CTNNA2: variants seen among roughly 807,000 people sequenced by gnomAD.
CTNNA2 encodes the protein catenin alpha-2.
A neutral mutation model predicts 101.0 loss-of-function variants in CTNNA2; 42 were observed. The observed-to-expected ratio is 0.42, with a 90% CI of 0.32 to 0.54. The LOEUF (loss-of-function observed/expected upper bound fraction) is 0.54, where lower values mean the gene tolerates loss of function less well. Among genes scored for constraint, CTNNA2 ranks in the 20% least tolerant of loss-of-function variants. The pLI, the probability that CTNNA2 is intolerant of heterozygous loss-of-function variation, is 0.14. For missense variants in CTNNA2, 871 were observed against 1,223.1 expected (o/e 0.71, Z 4.29); for synonymous variants, 450 against 456.4 (o/e 0.99, Z 0.18).
chr2:79,471,999 C>G (rs1344302076), intron 4 of CTNNA2, among the ~76,000 whole-genome samples: 1 of 152,126 alleles, frequency 6.6e-6, no homozygotes, highest in African/African-American at 2.4e-5. Context: ...AGCATCAAGA[C>G]AAGAATATAA....
intron 11 of CTNNA2, among the ~76,000 whole-genome samples, chr2:80,553,588 A>AT (rs1218687221): frequency 6.6e-6 from 1 of 152,070 alleles, no homozygotes; most frequent in Non-Finnish European, 1.5e-5. Context: ...ACGTCTCACT[A>AT]TTTTTTTCTC....
intron 4 of CTNNA2, among the ~76,000 whole-genome samples, chr2:79,389,180 A>G (rs1461542386): frequency 2.0e-5 from 3 of 152,216 alleles, no homozygotes; most frequent in East Asian, 1.9e-4. Context: ...AAAAATCACC[A>G]TAAGGGTCTA....
In CTNNA2 at chr2:80,329,772, G is replaced by A. The variant is rs988248427; in HGVS notation, c.1057-63439G>A. On this transcript the variant is annotated intron_variant, in intron 7 of 18. Transcript: ENST00000402739. ...GGGCATGTTTGTGTGCGGCAGGAAAGTGACTGTCCATAGGGGAATGGCTCA... is the reference window on the plus strand; with the variant it reads ...GGGCATGTTTGTGTGCGGCAGGAAAATGACTGTCCATAGGGGAATGGCTCA... Among the ~76,000 whole-genome samples, 5 of 152,216 alleles carry A rather than the reference G, an allele frequency of 3.3e-5. No homozygotes were observed. The East Asian group carries it at 9.6e-4, about 29-fold the overall frequency.
intron 3 of CTNNA2, among the ~76,000 whole-genome samples, chr2:79,354,689 T>C (rs1361649226): frequency 6.6e-6 from 1 of 152,094 alleles, no homozygotes; most frequent in Non-Finnish European, 1.5e-5. Context: ...TAACTATCCT[T>C]GGGCATCATG....
chr2:79,467,703 A>T, intron 4 of CTNNA2, among the ~76,000 whole-genome samples: 1 of 152,346 alleles, frequency 6.6e-6, no homozygotes, highest in Non-Finnish European at 1.5e-5. Context: ...ACAAGCCAGA[A>T]GAGAGTAGGG....
In CTNNA2 at chr2:80,396,777, C is replaced by T. The variant is rs114253171; in HGVS notation, c.1137+3486C>T. Among the ~76,000 whole-genome samples, 506 of 152,284 alleles carry T rather than the reference C, an allele frequency of 3.3e-3. 1 individual carries two copies. The highest frequency in any genetic ancestry group is 0.011 in the African/African-American group (461 of 41,562). On this transcript the variant is annotated intron_variant, in intron 8 of 18. Transcript: ENST00000402739. ...TAATATCTATGACATTGCAATGTTG[C>T]TAAACTTAGCAACTCTTTCACTCCC...
chr2:79,243,613 G>A (rs528550030), intron 2 of CTNNA2, among the ~76,000 whole-genome samples: 19 of 152,282 alleles, frequency 1.2e-4, no homozygotes, highest in Admixed American at 2.6e-4. Flanking sequence ...AACATAAAGC[G>A]TGGAAAAATA....
At chr2:79,199,477 C>T (rs1281909105) in intron 2 of CTNNA2, among the ~76,000 whole-genome samples, 1 of 151,816 alleles carries the variant, frequency 6.6e-6, no homozygotes, top group Non-Finnish European at 1.5e-5. Context: ...CATTTGTTTT[C>T]CTTATTAAAA....
chr2:80,150,429 C>T (rs1703627070), intron 7 of CTNNA2, among the ~76,000 whole-genome samples: 2 of 152,128 alleles, frequency 1.3e-5, no homozygotes, highest in Admixed American at 1.3e-4. Flanking sequence ...CTCACATCCT[C>T]CCACTCAAAA....
chr2:79,321,688 G>C (rs1343929996), intron 3 of CTNNA2, among the ~76,000 whole-genome samples: 1 of 152,156 alleles, frequency 6.6e-6, no homozygotes, highest in Non-Finnish European at 1.5e-5. Flanking sequence ...CGCAAGGACA[G>C]GAAGGGACAT....
At chr2:79,219,564 C>T (rs1674315361) in intron 2 of CTNNA2, among the ~76,000 whole-genome samples, 1 of 152,168 alleles carries the variant, frequency 6.6e-6, no homozygotes, top group South Asian at 2.1e-4. Context: ...TGCTTGTACG[C>T]AGGAATACCG....
At chr2:80,381,159 C>T (rs549518525) in intron 7 of CTNNA2, among the ~76,000 whole-genome samples, 3 of 151,848 alleles carry the variant, frequency 2.0e-5, no homozygotes, top group Admixed American at 2.0e-4. Context: ...TGGTAGTCTC[C>T]TGGGTGTTGG....
chr2:80,163,045 T>C lies in CTNNA2; in HGVS notation c.1057-230166T>C, dbSNP rs1023585497. On this transcript the variant is annotated intron_variant, in intron 7 of 18. Transcript: ENST00000402739. ...TAAAGTTTGATTCCATTAAGTAGAT[T>C]CATTGCATAAGGAACAGATACTTCA... 8.4e-5 allele frequency: 132 copies of C among 1,564,482 alleles called. 1 individual carries two copies. The highest frequency in any genetic ancestry group is 1.1e-4 in the Non-Finnish European group (126 of 1,135,138).
chr2:79,728,124 C>T (rs556799405), intron 2 of CTNNA2, among the ~76,000 whole-genome samples: 1 of 152,248 alleles, frequency 6.6e-6, no homozygotes, highest in South Asian at 2.1e-4. Context: ...AATGGTATTT[C>T]TAGTTCTAGA....
chr2:80,323,637 C>T (rs1196223831), intron 7 of CTNNA2, among the ~76,000 whole-genome samples: 3 of 151,980 alleles, frequency 2.0e-5, no homozygotes, highest in East Asian at 3.9e-4. Flanking sequence ...TTCTTAATCA[C>T]GTTCTTTGTG....
intron 4 of CTNNA2, among the ~76,000 whole-genome samples, chr2:79,433,366 C>T (rs1338026504): frequency 2.0e-5 from 3 of 152,158 alleles, no homozygotes; most frequent in East Asian, 1.9e-4. Flanking sequence ...CAAGTCAGAT[C>T]TCAGGTGAGG....
intron 2 of CTNNA2, among the ~76,000 whole-genome samples, chr2:79,220,288 G>A (rs1188690420): frequency 6.6e-6 from 1 of 152,108 alleles, no homozygotes; most frequent in East Asian, 1.9e-4. Flanking sequence ...AACTAAGTTT[G>A]GAACTAATTA....
At position 80,437,449 on chromosome 2, in the gene CTNNA2, A is replaced by T. The variant is rs1447781525; in HGVS notation, c.1290+17848A>T. On this transcript the variant is annotated intron_variant, in intron 9 of 18. Transcript: ENST00000402739. Reference sequence around the variant, plus strand: ...CTTTGGATCAACTTTATTATTTTTTAATGTCAAAAAATGGATACATTGTCA... The same window carrying T: ...CTTTGGATCAACTTTATTATTTTTTTATGTCAAAAAATGGATACATTGTCA... Among the ~76,000 whole-genome samples the T allele has an allele frequency of 2.0e-5, 3 of 152,192 alleles. No homozygotes were observed. In the East Asian group the frequency reaches 5.8e-4, roughly 29 times the overall value.
intron 7 of CTNNA2, among the ~76,000 whole-genome samples, chr2:80,098,152 CT>C (rs1325771207): frequency 1.1e-4 from 16 of 152,132 alleles, no homozygotes; most frequent in Non-Finnish European, 2.2e-4. Context: ...TACCTTTGGT[CT>C]TTGATGATGG....
Sources: gnomAD v4.1 joint callset for allele counts (sites outside exome capture counted in the v4.1 genomes callset) on GRCh38, gnomAD v4.1.1 for gene constraint, MANE v1.5 for transcripts, NCBI Gene and HGNC (gene_info 2026-07-23, HGNC 2026-07-21) for gene names.